The following CEP128 variants were observed in gnomAD, a reference collection of about 807,000 sequenced individuals.
CEP128 encodes the protein centrosomal protein 128kDa.
CEP128 carries 132 observed loss-of-function variants against 156.7 expected under a neutral mutation model. The ratio of observed to expected loss-of-function variants is 0.84; its 90% CI spans 0.73 to 0.97. The LOEUF (loss-of-function observed/expected upper bound fraction) is 0.97, where lower values mean the gene tolerates loss of function less well. Ranked by LOEUF, CEP128 falls within the 50% of genes least tolerant of loss-of-function variation. The probability of loss-of-function intolerance (pLI) is 0.00; values close to 1 mark genes in which losing one functional copy is unlikely to be tolerated. For missense variants in CEP128, 1,252 were observed against 1,281.9 expected, an observed-to-expected ratio of 0.98 and a Z score of 0.36; for synonymous variants, 469 against 448.9, an observed-to-expected ratio of 1.04 and a Z score of -0.57.
chr14:80,838,950 T>G (rs1049086142), intron 10 of CEP128, among the ~76,000 whole-genome samples: 1 of 151,986 alleles, frequency 6.6e-6, no homozygotes, highest in Admixed American at 6.6e-5. Context: ...ATACAAAAAA[T>G]TAGTCAGGCA....
In CEP128 at chr14:80,777,991, T is replaced by G; in HGVS notation, c.2267A>C (p.Lys756Thr). The G allele has an allele frequency of 6.2e-7, 1 of 1,613,714 alleles. No homozygotes were observed. The highest frequency in any genetic ancestry group is 8.5e-7 in the Non-Finnish European group (1 of 1,179,842). The change falls in exon 16 of 25, where the codon AAG (lysine) becomes ACG (threonine). Residue 756 changes from lysine (K) to threonine (T), a missense_variant. Transcript: ENST00000555265. ...MAKIHRGQLEKLKSQCDRLTE... is the reference protein window; with the variant it reads ...MAKIHRGQLETLKSQCDRLTE... ...CAGTCTGTCACACTGTGATTTCAAC[T>G]TCTCCAGCTGACCACGATGAATTTT...
chr14:80,819,177 C>T (rs557104873), intron 13 of CEP128, among the ~76,000 whole-genome samples: 16 of 151,602 alleles, frequency 1.1e-4, no homozygotes, highest in Non-Finnish European at 2.2e-4. Flanking sequence ...AGCTGCAGAC[C>T]GACAACTTTC....
At chr14:80,851,482 A>T (rs1219724908) in intron 9 of CEP128, among the ~76,000 whole-genome samples, 2 of 152,136 alleles carry the variant, frequency 1.3e-5, no homozygotes, top group Non-Finnish European at 2.9e-5. Flanking sequence ...TGTAGCTGGA[A>T]CATAGATATC....
At chr14:80,818,666 G>A (rs1884998517) in intron 13 of CEP128, among the ~76,000 whole-genome samples, 1 of 152,222 alleles carries the variant, frequency 6.6e-6, no homozygotes, top group African/African-American at 2.4e-5. Context: ...CTGAAGCCCA[G>A]CAGGGAATCT....
Position 80,714,161 on chromosome 14 carries a change from C to T in CEP128, c.2806+28914G>A, listed in dbSNP as rs531554467. Reference sequence around the variant, plus strand: ...TTATCAAAATGTAAATTTCAGACATCTAATTGTATGATATTCCACTCACTA... The same window carrying T: ...TTATCAAAATGTAAATTTCAGACATTTAATTGTATGATATTCCACTCACTA... On this transcript the variant is annotated intron_variant, in intron 19 of 24. Transcript: ENST00000555265. 1.6e-3 allele frequency among the ~76,000 whole-genome samples: 242 copies of T among 152,220 alleles called. 1 individual carries two copies. The highest frequency in any genetic ancestry group is 2.5e-3 in the Non-Finnish European group (169 of 68,008).
At chr14:80,685,832 C>A (rs1308992033) in intron 19 of CEP128, among the ~76,000 whole-genome samples, 1 of 151,966 alleles carries the variant, frequency 6.6e-6, no homozygotes, top group African/African-American at 2.4e-5. Context: ...TAATCTTCAA[C>A]AAAGTCAACA....
At chr14:80,809,356 G>A (rs535280744) in intron 13 of CEP128, among the ~76,000 whole-genome samples, 1 of 152,064 alleles carries the variant, frequency 6.6e-6, no homozygotes, top group Middle Eastern at 3.4e-3. Flanking sequence ...GAGCAGACAT[G>A]ATATATGAGA....
At chr14:80,546,180 G>A (rs1267429826) in intron 21 of CEP128, among the ~76,000 whole-genome samples, 3 of 152,046 alleles carry the variant, frequency 2.0e-5, no homozygotes, top group Admixed American at 6.6e-5. Context: ...TGCATACATC[G>A]GGGATGATTA....
intron 14 of CEP128, among the ~76,000 whole-genome samples, chr14:80,790,709 T>G (rs1366790155): frequency 6.6e-6 from 1 of 152,084 alleles, no homozygotes; most frequent in African/African-American, 2.4e-5. Flanking sequence ...AAAAAAGAAA[T>G]AAATCAGAGA....
chr14:80,677,147 G>A (rs1457933070), intron 19 of CEP128, among the ~76,000 whole-genome samples: 7 of 152,130 alleles, frequency 4.6e-5, no homozygotes, highest in Admixed American at 4.6e-4. Context: ...TGTGTAAGGA[G>A]GGGAGTACAT....
intron 19 of CEP128, among the ~76,000 whole-genome samples, chr14:80,662,829 A>G (rs140172195): frequency 2.9e-4 from 44 of 152,292 alleles, no homozygotes; most frequent in African/African-American, 8.9e-4. Context: ...ACTTTCTGCA[A>G]TGATAGAAAT....
At chr14:80,540,089 C>T (rs111308558) in intron 21 of CEP128, among the ~76,000 whole-genome samples, 2,139 of 152,204 alleles carry the variant, frequency 0.014, 38 homozygotes, top group African/African-American at 0.045. Flanking sequence ...TGCTTTTTCC[C>T]TTTGTCCTGT....
chr14:80,758,525 A>G (rs1310533022), intron 17 of CEP128, among the ~76,000 whole-genome samples: 4 of 149,348 alleles, frequency 2.7e-5, no homozygotes, highest in Admixed American at 1.3e-4. Flanking sequence ...TTTGTCTCAA[A>G]AAAAAAAAAA....
At chr14:80,743,456 T>A (rs1898937801) in intron 18 of CEP128, among the ~76,000 whole-genome samples, 189 bp from the exon 19 acceptor site, 1 of 152,200 alleles carries the variant, frequency 6.6e-6, no homozygotes, top group Admixed American at 6.5e-5. Context: ...GTTCAGAAAT[T>A]AAGCCATGGT....
chr14:80,632,732 T>G (rs1281488994), intron 19 of CEP128, among the ~76,000 whole-genome samples: 2 of 152,150 alleles, frequency 1.3e-5, no homozygotes, highest in Non-Finnish European at 2.9e-5. Context: ...ACTACTTATG[T>G]GCATATCTCC....
intron 2 of CEP128, among the ~76,000 whole-genome samples, chr14:80,921,379 C>T (rs1884852951): frequency 6.6e-6 from 1 of 152,112 alleles, no homozygotes; most frequent in South Asian, 2.1e-4. Context: ...GCTTGGCCCC[C>T]TCACCAGGTG....
chr14:80,851,837 ATAAAG>A (rs1235846110), intron 9 of CEP128, among the ~76,000 whole-genome samples: 3 of 152,018 alleles, frequency 2.0e-5, no homozygotes, highest in Non-Finnish European at 4.4e-5. Context: ...TATGCCATGA[ATAAAG>A]TAATCTTAAG....
At chr14:80,547,806 T>C (rs2057157455) in intron 21 of CEP128, among the ~76,000 whole-genome samples, 1 of 151,876 alleles carries the variant, frequency 6.6e-6, no homozygotes, top group Admixed American at 6.6e-5. Flanking sequence ...AATTTTTTTT[T>C]TTTTTTTTTG....
chr14:80,567,263 T>G (rs183438784), intron 20 of CEP128, among the ~76,000 whole-genome samples: 4 of 152,268 alleles, frequency 2.6e-5, no homozygotes, highest in African/African-American at 9.6e-5. Flanking sequence ...TTGACATTGT[T>G]CAGGAAAGGC....
Sources: gnomAD v4.1 joint callset for allele counts (sites outside exome capture counted in the v4.1 genomes callset) on GRCh38, gnomAD v4.1.1 for gene constraint, MANE v1.5 for transcripts, NCBI Gene and HGNC (gene_info 2026-07-23, HGNC 2026-07-21) for gene names.